The following ADGRV1 variants were observed in gnomAD, a reference collection of about 807,000 sequenced individuals.
ADGRV1 encodes the protein adhesion G protein-coupled receptor V1, also known as G-protein coupled receptor 98.
ADGRV1 carries 359 observed loss-of-function variants against 596.2 expected under a neutral mutation model. The observed-to-expected ratio is 0.60, with a 90% CI of 0.55 to 0.66. The LOEUF (loss-of-function observed/expected upper bound fraction) is 0.66, where lower values mean the gene tolerates loss of function less well. Among genes scored for constraint, ADGRV1 ranks in the 30% least tolerant of loss-of-function variants. ADGRV1 has a pLI of 0.00. For synonymous variants in ADGRV1, 2,681 were observed against 2,679.2 expected (o/e 1.00, Z -0.02); for missense variants, 7,274 against 7,575.6 (o/e 0.96, Z 1.48).
intron 64 of ADGRV1, among the ~76,000 whole-genome samples, chr5:90,780,451 G>C (rs1442025597): frequency 6.6e-6 from 1 of 152,106 alleles, no homozygotes; most frequent in Non-Finnish European, 1.5e-5. Context: ...TTTGGGAATT[G>C]AAGGAAGGAC....
chr5:90,691,024 G>C lies in ADGRV1; in HGVS notation c.6934G>C (p.Val2312Leu), dbSNP rs370383237. The part of the protein sequence containing the change: ...TLLLEVLADD[V>L]PEIEEVIQVQ... ...GTTGTTAGAGGTCCTGGCTGACGAC[G>C]TTCCGGAGATTGAAGAGGTGAGAGG... Residue 2312 changes from valine to leucine, a missense_variant, in exon 31 of 90, where the codon GTT becomes CTT. Around this residue, in one of 5 missense-constraint regions of ADGRV1, gnomAD observed 3,643 missense variants for 3,809.2 expected, o/e 0.96. Transcript: ENST00000405460. The C allele has an allele frequency of 3.1e-6, 5 of 1,613,474 alleles. No individual in the cohort carries two copies. Among genetic ancestry groups the C allele is most frequent in the East Asian group, 4.5e-5 (2 of 44,866 alleles).
chr5:90,991,051 T>C (rs938049028), intron 85 of ADGRV1, among the ~76,000 whole-genome samples: 1 of 152,202 alleles, frequency 6.6e-6, no homozygotes, highest in African/African-American at 2.4e-5. Flanking sequence ...ATGCCTTTTA[T>C]CTGGAACCCC....
Position 90,759,607 on chromosome 5 carries a change from G to T in ADGRV1, c.12120+19G>T, listed in dbSNP as rs753840164. The T allele has an allele frequency of 1.2e-6, 2 of 1,602,008 alleles. No individual in the cohort carries two copies. Among genetic ancestry groups the T allele is most frequent in the Non-Finnish European group, 1.7e-6 (2 of 1,170,020 alleles). On this transcript the variant is annotated intron_variant, in intron 58 of 89. Transcript: ENST00000405460. ...AAAGACTGTAAGTTAAACATATCAG[G>T]GGAAAGCCTTGTTTCAGGCTAGCGT...
Position 90,882,388 on chromosome 5 carries a change from T to C in ADGRV1, c.17856+18531T>C, listed in dbSNP as rs115782214. Among the ~76,000 whole-genome samples the C allele has an allele frequency of 1.2e-3, 181 of 152,310 alleles. 1 individual carries two copies. Among genetic ancestry groups the C allele is most frequent in the African/African-American group, 4.2e-3 (173 of 41,562 alleles). On this transcript the variant is annotated intron_variant, in intron 83 of 89. Coordinates refer to ENST00000405460, the MANE Select transcript of ADGRV1 (RefSeq NM_032119.4). ...GACCCATGTCTTTTACCTTTTTAAT[T>C]CCTATTTCCTGATGTGGAGAGAAAC...
In ADGRV1 at chr5:90,725,097, A is replaced by G. The variant is rs1264693693; in HGVS notation, c.9918A>G (p.Ile3306Met). ...TCCTCATTTTCTAGGATTTAAATAT[A>G]GAAAATCCTAAAACTTGTGAGGCCT... ...GIFIPVEDLN[I>M]ENPKTCEAFN... Residue 3306 changes from isoleucine to methionine, a missense_variant, in exon 47 of 90, where the codon ATA (isoleucine) becomes ATG (methionine). Ile to Met is a conservative substitution (Grantham distance 10). Coordinates refer to ENST00000405460, the MANE Select transcript of ADGRV1 (RefSeq NM_032119.4). 2.5e-5 allele frequency: 38 copies of G among 1,539,756 alleles called. No homozygotes were observed. Among genetic ancestry groups the G allele is most frequent in the Non-Finnish European group, 3.2e-5 (36 of 1,136,248 alleles).
intron 85 of ADGRV1, among the ~76,000 whole-genome samples, chr5:91,042,305 G>A (rs1002888568): frequency 5.2e-4 from 79 of 152,288 alleles, no homozygotes; most frequent in African/African-American, 1.9e-3. Context: ...AAATATCACA[G>A]TACAGTTGAT....
At chr5:90,934,959 C>T (rs1338999189) in intron 83 of ADGRV1, among the ~76,000 whole-genome samples, 1 of 152,208 alleles carries the variant, frequency 6.6e-6, no homozygotes, top group East Asian at 1.9e-4. Context: ...TTCATAACTT[C>T]ATCCAACCTC....
chr5:90,969,945 T>C (rs1778805999), intron 84 of ADGRV1, among the ~76,000 whole-genome samples: 1 of 152,152 alleles, frequency 6.6e-6, no homozygotes, highest in Non-Finnish European at 1.5e-5. Flanking sequence ...ACCAGGGAAG[T>C]GCAAGCGATC....
At position 91,031,354 on chromosome 5, in the gene ADGRV1, C is replaced by T. The variant is rs78605967; in HGVS notation, c.18153-41093C>T. 7.2e-3 allele frequency: 8,938 copies of T among 1,240,302 alleles called. 356 individuals carry two copies. The East Asian group carries it at 0.11, about 16-fold the overall frequency. The allele number at this position is 1,240,302 out of a possible 1,614,324, so 76.8% of individuals were successfully genotyped here. A position where few individuals can be genotyped will look rare whatever the true frequency, so the allele number is the denominator to read the frequency against. On this transcript the variant is annotated intron_variant, in intron 85 of 89. Transcript: ENST00000405460. ...GATACAATCCCACTCCAATCTATCT[C>T]ATCCGCTGACGGAAGTTCATCATTC...
chr5:90,614,180 G>C (rs1346025778), intron 1 of ADGRV1: 3 of 344,946 alleles, frequency 8.7e-6, no homozygotes, highest in South Asian at 7.0e-5. Context: ...AAAGAAAGTT[G>C]TCATGGAAAA....
At chr5:90,929,644 A>C (rs57258230) in intron 83 of ADGRV1, 62,235 of 151,946 alleles carry the variant, frequency 0.41, 13,645 homozygotes, top group East Asian at 0.81. Context: ...ATTCGGCCAT[A>C]TTGGCTCCTC....
At chr5:90,777,273 A>G (rs1442637837) in intron 61 of ADGRV1, among the ~76,000 whole-genome samples, 2 of 152,134 alleles carry the variant, frequency 1.3e-5, no homozygotes, top group African/African-American at 4.8e-5. Context: ...GGGGAAGTCC[A>G]TCCCCATGAT....
At chr5:90,577,797 C>T (rs1208492989) in intron 1 of ADGRV1, among the ~76,000 whole-genome samples, 2 of 152,112 alleles carry the variant, frequency 1.3e-5, no homozygotes, top group African/African-American at 4.8e-5. Context: ...TTTCGTTGAG[C>T]AGTCCTTTGT....
chr5:90,856,151 G>T (rs1217795555), intron 82 of ADGRV1, among the ~76,000 whole-genome samples: 1 of 152,136 alleles, frequency 6.6e-6, no homozygotes, highest in Admixed American at 6.5e-5. Context: ...TACAGTGTAG[G>T]ATAGAAGCTA....
intron 1 of ADGRV1, among the ~76,000 whole-genome samples, chr5:90,609,193 T>G (rs1189231270): frequency 6.6e-6 from 1 of 152,086 alleles, no homozygotes; most frequent in Admixed American, 6.6e-5. Context: ...TGGGATTGAC[T>G]GTGGGTAGGA....
intron 1 of ADGRV1, among the ~76,000 whole-genome samples, chr5:90,592,002 C>G (rs543564064): frequency 2.0e-4 from 30 of 152,134 alleles, no homozygotes; most frequent in Non-Finnish European, 3.4e-4. Context: ...AGGAGTGATT[C>G]AGGATGTAAC....
At chr5:90,660,947 C>T (rs190986064) in intron 21 of ADGRV1, among the ~76,000 whole-genome samples, 24 of 152,140 alleles carry the variant, frequency 1.6e-4, no homozygotes, top group African/African-American at 5.5e-4. Context: ...CACTATGTCC[C>T]GGCAAAGAGC....
At chr5:91,150,316 A>G in intron 88 of ADGRV1, 95 bp downstream of exon 88, 1 of 986,558 alleles carries the variant, frequency 1.0e-6, no homozygotes, top group South Asian at 2.4e-5. Flanking sequence ...TGTCTCATTG[A>G]CAGGCTCTCC....
chr5:90,868,360 A>G (rs1295463125), intron 83 of ADGRV1, among the ~76,000 whole-genome samples: 2 of 152,176 alleles, frequency 1.3e-5, no homozygotes, highest in South Asian at 2.1e-4. Flanking sequence ...TCCCTCATTA[A>G]TGAAAGGCTG....
Sources: allele counts gnomAD v4.1 joint callset (sites outside exome capture counted in the v4.1 genomes callset), GRCh38; gene constraint gnomAD v4.1.1; regional missense constraint gnomAD v4.1.1; transcripts MANE v1.5; gene names NCBI Gene and HGNC (gene_info 2026-07-23, HGNC 2026-07-21).